Variants in PAPOLG observed in about 807,000 individuals in gnomAD.
PAPOLG encodes PAP-gamma.
Under a neutral mutation model 99.0 loss-of-function variants are expected in PAPOLG, and 40 were observed. That is an observed-to-expected ratio of 0.40 (90% CI 0.31 to 0.53). The LOEUF (loss-of-function observed/expected upper bound fraction) is 0.53, where lower values mean the gene tolerates loss of function less well. Among genes scored for constraint, PAPOLG ranks in the 20% least tolerant of loss-of-function variants. The pLI is 0.41. For synonymous variants in PAPOLG, 310 were observed against 299.3 expected, an observed-to-expected ratio of 1.04 and a Z score of -0.37; for missense variants, 675 against 884.1, an observed-to-expected ratio of 0.76 and a Z score of 3.00.
rs899596961 is a variant in PAPOLG, at chr2:60,800,312, A to C, written c.*3152A>C. ...GTGATTCTCTTGCCTCAGCCTCCCA[A>C]GTAGCTGGAATTACAGGCCTGTGCC... On this transcript the variant is annotated 3_prime_UTR_variant, in exon 22 of 22. Coordinates refer to ENST00000238714, the MANE Select transcript of PAPOLG (RefSeq NM_022894.4). 6.6e-6 allele frequency: 1 copy of C among 152,216 alleles called. No homozygotes were observed. Among genetic ancestry groups the C allele is most frequent in the African/African-American group, 2.4e-5 (1 of 41,408 alleles). 9.4% of individuals were successfully genotyped at this position (152,216 alleles called of 1,614,324 possible). A position where few individuals can be genotyped will look rare whatever the true frequency, so the allele number is the denominator to read the frequency against.
At chr2:60,781,159 C>T (rs1671176333) in intron 10 of PAPOLG, among the ~76,000 whole-genome samples, 2 of 152,142 alleles carry the variant, frequency 1.3e-5, no homozygotes, top group Admixed American at 1.3e-4. Flanking sequence ...AGTTCAAGAC[C>T]AGCCTGGCCA....
intron 3 of PAPOLG, among the ~76,000 whole-genome samples, chr2:60,764,540 C>T (rs1463935987): frequency 6.6e-6 from 1 of 152,104 alleles, no homozygotes; most frequent in East Asian, 1.9e-4. Flanking sequence ...ACCTCCCCAC[C>T]TCAGCCTCCC....
At chr2:60,758,334 T>C (rs905200290) in intron 1 of PAPOLG, among the ~76,000 whole-genome samples, 2 of 148,076 alleles carry the variant, frequency 1.4e-5, no homozygotes, top group East Asian at 3.9e-4. Context: ...TGGGGTTTTT[T>C]TTTTTTTTTT....
chr2:60,796,777 C>T lies in PAPOLG; in HGVS notation c.2113-285C>T, dbSNP rs112629693. Among the ~76,000 whole-genome samples, 435 of 151,852 alleles carry T rather than the reference C, an allele frequency of 2.9e-3. 2 individuals are homozygous for T. The highest frequency in any genetic ancestry group is 9.9e-3 in the African/African-American group (410 of 41,402). The stretch of plus-strand genomic sequence containing the variant: ...TGTGTTCTTTATGCATTTCTTGATC[C>T]AGGCATGGCAGTTCCTCTTTTCCTG... On this transcript the variant is annotated intron_variant, in intron 21 of 21. Coordinates refer to ENST00000238714, the MANE Select transcript of PAPOLG (RefSeq NM_022894.4).
At chr2:60,791,992 A>G in intron 16 of PAPOLG, 110 bp downstream of exon 16, 1 of 1,462,266 alleles carries the variant, frequency 6.8e-7, no homozygotes, top group Non-Finnish European at 9.3e-7. Context: ...AGGAAGATAT[A>G]GGCAGTTCAA....
chr2:60,775,373 T>C (rs1400067800), intron 8 of PAPOLG, among the ~76,000 whole-genome samples: 3 of 152,226 alleles, frequency 2.0e-5, no homozygotes, highest in African/African-American at 4.8e-5. Context: ...GCAGTCAGAA[T>C]AATTCAGAAC....
At position 60,779,790 on chromosome 2, in the gene PAPOLG, G is replaced by T; in HGVS notation, c.833+15G>T. On this transcript the variant is annotated intron_variant, in intron 9 of 21. Coordinates refer to ENST00000238714, the MANE Select transcript of PAPOLG (RefSeq NM_022894.4). Reference sequence around the variant, plus strand: ...TTTTCCAAGTGGTAAGTATTTACGTGTGTACTTTGACTGTTTACTAATCTC... The same window carrying T: ...TTTTCCAAGTGGTAAGTATTTACGTTTGTACTTTGACTGTTTACTAATCTC... 1 of 1,599,718 alleles carries T rather than the reference G, an allele frequency of 6.3e-7. No homozygotes were observed. The highest frequency in any genetic ancestry group is 8.6e-7 in the Non-Finnish European group (1 of 1,168,106).
At chr2:60,795,175 G>A (rs1399530028) in intron 21 of PAPOLG, 155 bp downstream of exon 21, 18 of 673,422 alleles carry the variant, frequency 2.7e-5, no homozygotes, top group Non-Finnish European at 4.7e-5. Context: ...GTTGGAGATA[G>A]CAAGTATATA....
chr2:60,793,917 G>T (rs1333159136), intron 18 of PAPOLG, 54 bp from the exon 19 acceptor site: 27 of 1,540,820 alleles, frequency 1.8e-5, no homozygotes, highest in Non-Finnish European at 2.3e-5. Flanking sequence ...CTGTCTCAAG[G>T]AAAAAAAAAT....
intron 13 of PAPOLG, 145 bp from the exon 14 acceptor site, chr2:60,786,802 G>A (rs1440507305): frequency 3.4e-6 from 3 of 872,632 alleles, no homozygotes; most frequent in South Asian, 1.9e-5. Context: ...AGTGCTGGGA[G>A]TACAGATGTG....
intron 13 of PAPOLG, among the ~76,000 whole-genome samples, chr2:60,785,094 T>C (rs1269294063): frequency 6.6e-6 from 1 of 152,214 alleles, no homozygotes; most frequent in Non-Finnish European, 1.5e-5. Flanking sequence ...TGAGACTTGC[T>C]GTATTTTAAT....
Position 60,768,816 on chromosome 2 carries a change from CAT to C in PAPOLG, c.365_366del (p.His122ArgfsTer5), listed in dbSNP as rs758855719. 1.9e-6 allele frequency: 3 copies of C among 1,596,020 alleles called. No individual in the cohort carries two copies. The highest frequency in any genetic ancestry group is 2.6e-6 in the Non-Finnish European group (3 of 1,169,044). On this transcript the variant is annotated frameshift_variant, in exon 5 of 22. Transcript: ENST00000238714. LOFTEE classifies it high-confidence loss of function. Reference sequence around the variant, plus strand: ...TGATGCACTTTGTGTAGCTCCAAGACATGTGGAAAGATCTGATTTTTTTCAGT... The same window carrying C: ...TGATGCACTTTGTGTAGCTCCAAGACGTGGAAAGATCTGATTTTTTTCAGT... Reference protein sequence around the residue: ...DIDALCVAPRHVERSDFFQSF... With the variant: ...DIDALCVAPRXVERSDFFQSF...
chr2:60,796,779 G>A (rs1048126025), intron 21 of PAPOLG, among the ~76,000 whole-genome samples: 1 of 151,650 alleles, frequency 6.6e-6, no homozygotes, highest in Non-Finnish European at 1.5e-5. Context: ...TCTTGATCCA[G>A]GCATGGCAGT....
Position 60,797,317 on chromosome 2 carries a change from T to G in PAPOLG, c.*157T>G. On this transcript the variant is annotated 3_prime_UTR_variant, in exon 22 of 22. Transcript: ENST00000238714. ...GAAGTGGTTTTTGAACTGTCAAACT[T>G]TGACCTGTAGATGCTGTAGCATTCT... The G allele has an allele frequency of 2.4e-6, 2 of 850,364 alleles. No individual in the cohort carries two copies. Among genetic ancestry groups the G allele is most frequent in the Non-Finnish European group, 3.6e-6 (2 of 549,278 alleles). 52.7% of individuals were successfully genotyped at this position (850,364 alleles called of 1,614,324 possible).
intron 2 of PAPOLG, 96 bp from the exon 3 acceptor site, chr2:60,761,645 C>A: frequency 2.0e-6 from 2 of 1,012,684 alleles, no homozygotes; most frequent in Non-Finnish European, 1.5e-6. Flanking sequence ...GGTTTTACCC[C>A]AGCATCAACA....
Position 60,782,774 on chromosome 2 carries a change from C to A in PAPOLG, c.1112+4C>A, listed in dbSNP as rs10197672. The A allele has an allele frequency of 2.0e-6, 3 of 1,538,248 alleles. No individual in the cohort carries two copies. The highest frequency in any genetic ancestry group is 1.3e-5 in the South Asian group (1 of 78,124). ...CGAATTTCTTTCAAAAGTATAGGTA[C>A]GTGAAATTTTGTATTTTGTATGTAT... On this transcript the variant is annotated splice_donor_region_variant and intron_variant, in intron 12 of 21. Transcript: ENST00000238714.
intron 7 of PAPOLG, among the ~76,000 whole-genome samples, chr2:60,773,079 C>T (rs754571302): frequency 6.6e-5 from 10 of 152,144 alleles, no homozygotes; most frequent in Admixed American, 2.6e-4. Flanking sequence ...CATGTGCCAC[C>T]ACGCCTGGCT....
chr2:60,794,390 G>C (rs1224400904), intron 19 of PAPOLG, 199 bp downstream of exon 19: 1 of 637,856 alleles, frequency 1.6e-6, no homozygotes, highest in Non-Finnish European at 2.6e-6. Context: ...TGATTGGTCT[G>C]AGTTTCTCCT....
intron 8 of PAPOLG, among the ~76,000 whole-genome samples, chr2:60,777,849 T>A (rs1166071763): frequency 6.6e-6 from 1 of 152,136 alleles, no homozygotes; most frequent in African/African-American, 2.4e-5. Context: ...TTTACCAAGT[T>A]CACCGTCTTA....
Sources: allele counts gnomAD v4.1 joint callset (sites outside exome capture counted in the v4.1 genomes callset), GRCh38; gene constraint gnomAD v4.1.1; transcripts MANE v1.5; gene names NCBI Gene and HGNC (gene_info 2026-07-23, HGNC 2026-07-21).